The following SLC9C2 variants were observed in gnomAD, a reference collection of about 807,000 sequenced individuals.
SLC9C2 encodes the protein sodium/hydrogen exchanger 11.
Under a neutral mutation model 140.2 loss-of-function variants are expected in SLC9C2, and 75 were observed. That is an observed-to-expected ratio of 0.53 (90% CI 0.44 to 0.65). SLC9C2 has a LOEUF of 0.65. Among genes scored for constraint, SLC9C2 ranks in the 30% least tolerant of loss-of-function variants. SLC9C2 has a pLI of 0.00. For synonymous variants in SLC9C2, 375 were observed against 420.9 expected (o/e 0.89, Z 1.34); for missense variants, 1,074 against 1,331.8 (o/e 0.81, Z 3.01).
intron 18 of SLC9C2, among the ~76,000 whole-genome samples, chr1:173,528,392 C>A (rs1016493030): frequency 6.6e-6 from 1 of 152,184 alleles, no homozygotes; most frequent in Admixed American, 6.5e-5. Context: ...TAACTCCCCC[C>A]ACTGTCTCTT....
chr1:173,542,687 A>T (rs2102032944), intron 13 of SLC9C2, among the ~76,000 whole-genome samples: 1 of 152,366 alleles, frequency 6.6e-6, no homozygotes, highest in East Asian at 1.9e-4. Context: ...CATCCCTGGA[A>T]TGCAAGGCCA....
At chr1:173,521,752 C>T (rs976887438) in intron 21 of SLC9C2, among the ~76,000 whole-genome samples, 2 of 151,166 alleles carry the variant, frequency 1.3e-5, no homozygotes, top group Admixed American at 6.6e-5. Flanking sequence ...TTTTTCAGCC[C>T]GTTTGAGGCT....
At chr1:173,576,861 A>C (rs1665213626) in intron 7 of SLC9C2, 101 bp from the exon 8 acceptor site, 2 of 776,664 alleles carry the variant, frequency 2.6e-6, no homozygotes, top group Admixed American at 6.1e-5. Context: ...ATCTTAAGAG[A>C]AGTAGTAGTT....
chr1:173,522,734 T>C (rs1010411902), intron 21 of SLC9C2, among the ~76,000 whole-genome samples: 1 of 152,208 alleles, frequency 6.6e-6, no homozygotes, highest in Non-Finnish European at 1.5e-5. Flanking sequence ...TCGGGCCCTC[T>C]GCAACTGCCC....
chr1:173,575,384 T>G (rs1665109282), intron 8 of SLC9C2, among the ~76,000 whole-genome samples: 1 of 152,078 alleles, frequency 6.6e-6, no homozygotes, highest in South Asian at 2.1e-4. Context: ...GAAAGTAATT[T>G]ATAATTATGT....
chr1:173,530,109 C>G lies in SLC9C2; in HGVS notation c.2164-55G>C, dbSNP rs1661477073. ...CTGTACATTTGATGAGGAAAAGCAC[C>G]CTCTGAGGCAGAAATTCATAAAGTG... On this transcript the variant is annotated intron_variant, in intron 17 of 27. Coordinates refer to ENST00000367714, the MANE Select transcript of SLC9C2 (RefSeq NM_178527.4). 4.1e-6 allele frequency: 6 copies of G among 1,479,942 alleles called. No homozygotes were observed. The Admixed American group carries it at 1.3e-4, about 33-fold the overall frequency. 91.7% of individuals were successfully genotyped at this position (1,479,942 alleles called of 1,614,324 possible). A position where few individuals can be genotyped will look rare whatever the true frequency, so the allele number is the denominator to read the frequency against.
intron 4 of SLC9C2, chr1:173,596,739 C>T (rs1039411334): frequency 2.0e-5 from 3 of 151,208 alleles, no homozygotes; most frequent in African/African-American, 7.3e-5. Flanking sequence ...ATGTTGAAAA[C>T]AAAAGGATGG....
intron 22 of SLC9C2, among the ~76,000 whole-genome samples, chr1:173,520,737 A>G (rs1660748573): frequency 6.6e-6 from 1 of 152,218 alleles, no homozygotes; most frequent in Non-Finnish European, 1.5e-5. Context: ...CAAAACCAGA[A>G]AGCCAATGGT....
At chr1:173,509,520 A>G (rs1659889858) in intron 24 of SLC9C2, 48 bp downstream of exon 24, 2 of 1,426,384 alleles carry the variant, frequency 1.4e-6, no homozygotes, top group Non-Finnish European at 1.9e-6. Flanking sequence ...TGTAAAAAAT[A>G]CAATGCATAA....
At chr1:173,565,868 G>A (rs1330832582) in intron 9 of SLC9C2, among the ~76,000 whole-genome samples, 2 of 151,908 alleles carry the variant, frequency 1.3e-5, no homozygotes, top group South Asian at 2.1e-4. Flanking sequence ...TTATCATGAA[G>A]GCATGTTTTT....
chr1:173,506,005 T>C (rs539064419), intron 25 of SLC9C2, among the ~76,000 whole-genome samples: 31 of 152,366 alleles, frequency 2.0e-4, no homozygotes, highest in Admixed American at 1.8e-3. Flanking sequence ...GCTTCCTTGC[T>C]TCTTGCCTCC....
At chr1:173,573,061 C>A in intron 9 of SLC9C2, 121 bp downstream of exon 9, 2 of 643,700 alleles carry the variant, frequency 3.1e-6, no homozygotes, top group Non-Finnish European at 2.5e-6. Flanking sequence ...GCCTTGATAA[C>A]AATGCCGGTT....
intron 23 of SLC9C2, among the ~76,000 whole-genome samples, chr1:173,510,556 A>G (rs1282725875): frequency 6.6e-6 from 1 of 151,570 alleles, no homozygotes; most frequent in Non-Finnish European, 1.5e-5. Context: ...TCATTGTTCA[A>G]CTCCCACTTA....
chr1:173,553,940 T>C (rs1049204370), intron 11 of SLC9C2, among the ~76,000 whole-genome samples: 1 of 152,170 alleles, frequency 6.6e-6, no homozygotes, highest in Admixed American at 6.5e-5. Flanking sequence ...CGATAAGACT[T>C]TGCCTAATCT....
At position 173,530,006 on chromosome 1, in the gene SLC9C2, G is replaced by A. The variant is rs201611790; in HGVS notation, c.2212C>T (p.Arg738Cys). The change falls in exon 18 of 28, where the codon CGC (arginine) becomes TGC (cysteine). Residue 738 changes from arginine to cysteine, a missense_variant. Physicochemically the swap from Arg to Cys is radical, Grantham distance 180. Transcript: ENST00000367714. ...GTAATACTATACATCAAGCTGAGGC[G>A]CTTTTTGATCTGCACATCTGCAATT... ...IRIADVQIKK[R>C]LSLMYSITKG... The A allele has an allele frequency of 5.8e-5, 93 of 1,612,924 alleles. No homozygotes were observed. Among genetic ancestry groups the A allele is most frequent in the East Asian group, 2.0e-4 (9 of 44,868 alleles).
In SLC9C2 at chr1:173,509,593, T is replaced by C; in HGVS notation, c.3014A>G (p.Tyr1005Cys). 6.3e-7 allele frequency: 1 copy of C among 1,579,356 alleles called. No individual in the cohort carries two copies. Among genetic ancestry groups the C allele is most frequent in the Non-Finnish European group, 8.6e-7 (1 of 1,166,540 alleles). ...CTCATCAATAAGACTTGATTCAAAA[T>C]ACTGATAGGCAGTACTGAGAGCAAG... Reference protein sequence around the residue: ...LKLALSTAYQYFESSLIDEDL... With the variant: ...LKLALSTAYQCFESSLIDEDL... Residue 1005 changes from tyrosine to cysteine, a missense_variant, in exon 24 of 28, where the codon TAT (tyrosine) becomes TGT (cysteine). Tyr to Cys is a radical substitution (Grantham distance 194, BLOSUM62 -2). Coordinates refer to ENST00000367714, the MANE Select transcript of SLC9C2 (RefSeq NM_178527.4).
intron 9 of SLC9C2, among the ~76,000 whole-genome samples, chr1:173,558,127 A>G (rs1328611281): frequency 6.6e-6 from 1 of 152,208 alleles, no homozygotes; most frequent in Non-Finnish European, 1.5e-5. Context: ...ATTTAGAACA[A>G]ATGAAATTTC....
intron 11 of SLC9C2, among the ~76,000 whole-genome samples, chr1:173,552,885 T>C (rs925609453): frequency 3.3e-5 from 5 of 152,216 alleles, no homozygotes; most frequent in South Asian, 2.1e-4. Flanking sequence ...TGTAAGGCTA[T>C]AGCTGTCATA....
At chr1:173,505,674 C>T (rs1659586164) in intron 25 of SLC9C2, among the ~76,000 whole-genome samples, 1 of 152,196 alleles carries the variant, frequency 6.6e-6, no homozygotes, top group Non-Finnish European at 1.5e-5. Context: ...CCCAGGATGG[C>T]AAGACTGTCT....
Sources: allele counts gnomAD v4.1 joint callset (sites outside exome capture counted in the v4.1 genomes callset), GRCh38; gene constraint gnomAD v4.1.1; transcripts MANE v1.5; gene names NCBI Gene and HGNC (gene_info 2026-07-23, HGNC 2026-07-21).